Variants in TULP4 observed in about 807,000 individuals in gnomAD.
TULP4 encodes the protein tubby-related protein 4.
TULP4 carries 16 observed loss-of-function variants against 129.0 expected under a neutral mutation model. That is an observed-to-expected ratio of 0.12 (90% CI 0.08 to 0.19). TULP4 has a LOEUF of 0.19. Among genes scored for constraint, TULP4 ranks in the 10% least tolerant of loss-of-function variants. The pLI is 1.00. For missense variants in TULP4, 1,842 were observed against 2,059.1 expected (o/e 0.89, Z 2.04); for synonymous variants, 998 against 854.0 (o/e 1.17, Z -2.94).
chr6:158,253,394 GTCTC>G (rs1479169133), intron 1 of TULP4, among the ~76,000 whole-genome samples: 6 of 147,618 alleles, frequency 4.1e-5, no homozygotes, highest in Admixed American at 4.0e-4. Flanking sequence ...CTGCTCTCCT[GTCTC>G]TGCCCTGCCG....
chr6:158,319,010 T>C (rs1213002009), intron 1 of TULP4, among the ~76,000 whole-genome samples: 5 of 151,886 alleles, frequency 3.3e-5, no homozygotes, highest in African/African-American at 1.2e-4. Context: ...CCTCCCAAAG[T>C]GCTGGGATTA....
chr6:158,328,820 C>T (rs917831020), intron 1 of TULP4, among the ~76,000 whole-genome samples: 1 of 152,216 alleles, frequency 6.6e-6, no homozygotes, highest in African/African-American at 2.4e-5. Flanking sequence ...CCAGCAGAGC[C>T]TGACTTGGGG....
intron 1 of TULP4, among the ~76,000 whole-genome samples, chr6:158,314,590 G>T (rs1279900191): frequency 6.6e-6 from 1 of 152,160 alleles, no homozygotes; most frequent in Non-Finnish European, 1.5e-5. Flanking sequence ...AGGGTGGGGG[G>T]TTAAATTAGA....
At chr6:158,331,743 ACGTG>A (rs375784601) in intron 1 of TULP4, among the ~76,000 whole-genome samples, 10,782 of 38,362 alleles carry the variant, frequency 0.28, 3,533 homozygotes, top group Non-Finnish European at 0.43. Flanking sequence ...GTATATATAT[ACGTG>A]TATATACACG....
At chr6:158,495,843 GAAAA>G (rs111929134) in intron 11 of TULP4, among the ~76,000 whole-genome samples, 1 of 137,404 alleles carries the variant, frequency 7.3e-6, no homozygotes, top group African/African-American at 2.7e-5. Context: ...TACGTCTCAA[GAAAA>G]AAAAAAAAAG....
upstream of TULP4, among the ~76,000 whole-genome samples, chr6:158,279,626 G>A (rs911794833): frequency 6.6e-6 from 1 of 152,102 alleles, no homozygotes; most frequent in Non-Finnish European, 1.5e-5. Flanking sequence ...GATTAATTAT[G>A]TTAAGAAAAA....
intron 5 of TULP4, among the ~76,000 whole-genome samples, chr6:158,453,408 C>G (rs531159453): frequency 7.6e-6 from 1 of 131,828 alleles, no homozygotes; most frequent in Non-Finnish European, 1.6e-5. Flanking sequence ...GGCATGAACC[C>G]GAGAGGCAGA....
At chr6:158,289,098 G>A (rs917503015) in intron 1 of TULP4, among the ~76,000 whole-genome samples, 1 of 152,108 alleles carries the variant, frequency 6.6e-6, no homozygotes, top group Non-Finnish European at 1.5e-5. Flanking sequence ...ATTTTCTTTA[G>A]TGGTTATAGA....
Position 158,401,628 on chromosome 6 carries a change from G to A in TULP4, c.253-11437G>A, listed in dbSNP as rs557353524. On this transcript the variant is annotated intron_variant, in intron 1 of 13. Coordinates refer to ENST00000367097, the MANE Select transcript of TULP4 (RefSeq NM_020245.5). ...CAGAGTCAAGCTGTGGGCCCAGGGT[G>A]TGGTCAAGCCGTTCTAAGCATGTGG... Among the ~76,000 whole-genome samples, 25 of 80,370 alleles carry A rather than the reference G, an allele frequency of 3.1e-4. No homozygotes were observed. The South Asian group carries it at 8.8e-3, about 28-fold the overall frequency. 52.7% of individuals were successfully genotyped at this position (80,370 alleles called of 152,430 possible). A position where few individuals can be genotyped will look rare whatever the true frequency, so the allele number is the denominator to read the frequency against.
intron 2 of TULP4, among the ~76,000 whole-genome samples, chr6:158,424,288 G>A (rs947019378): frequency 5.3e-5 from 8 of 151,922 alleles, no homozygotes; most frequent in African/African-American, 1.5e-4. Context: ...ATGGAGTCTC[G>A]CTCTGTGCTG....
chr6:158,337,218 T>G (rs916732669), intron 1 of TULP4, among the ~76,000 whole-genome samples: 1 of 137,944 alleles, frequency 7.2e-6, no homozygotes, highest in Admixed American at 8.2e-5. Context: ...CTGCAGAGCA[T>G]TAATTTCCTG....
upstream of TULP4, among the ~76,000 whole-genome samples, chr6:158,278,822 A>G (rs1239916756): frequency 6.6e-6 from 1 of 152,194 alleles, no homozygotes; most frequent in East Asian, 1.9e-4. Context: ...CAGTGAAAGG[A>G]AGGAGAGCTG....
intron 8 of TULP4, among the ~76,000 whole-genome samples, chr6:158,486,484 C>A (rs1196487065): frequency 1.3e-5 from 2 of 151,768 alleles, no homozygotes; most frequent in Admixed American, 6.6e-5. Context: ...ACCTGGGAGG[C>A]GGAGCTTGCA....
intron 6 of TULP4, among the ~76,000 whole-genome samples, chr6:158,468,374 C>G (rs1779600185): frequency 6.6e-6 from 1 of 152,202 alleles, no homozygotes; most frequent in Non-Finnish European, 1.5e-5. Context: ...GTTACACAAA[C>G]TTCTCAGTTT....
At chr6:158,289,043 T>C (rs1778882370) in intron 1 of TULP4, among the ~76,000 whole-genome samples, 1 of 152,208 alleles carries the variant, frequency 6.6e-6, no homozygotes, top group African/African-American at 2.4e-5. Flanking sequence ...GTTTGTAAAC[T>C]ATATGGCCTG....
rs535663375 is a variant in TULP4, at chr6:158,275,688, G to A, written n.69-36363G>A. On this transcript the variant is annotated intron_variant and non_coding_transcript_variant, in intron 1 of 1. Transcript: ENST00000620026. ...CCAGACCTGTCAGCATGGAGCCCAAGGAAATAGGTCTTATGAGAATTTCTG... is the reference window on the plus strand; with the variant it reads ...CCAGACCTGTCAGCATGGAGCCCAAAGAAATAGGTCTTATGAGAATTTCTG... Among the ~76,000 whole-genome samples the A allele has an allele frequency of 2.1e-4, 32 of 152,270 alleles. No homozygotes were observed. In the South Asian group the frequency reaches 6.2e-3, roughly 30 times the overall value.
intron 1 of TULP4, among the ~76,000 whole-genome samples, chr6:158,262,629 C>T (rs1298899717): frequency 1.3e-5 from 2 of 152,144 alleles, no homozygotes; most frequent in Admixed American, 1.3e-4. Context: ...TCCCTGCATT[C>T]TGTTATCCTT....
Position 158,431,895 on chromosome 6 carries a change from G to C in TULP4, c.543+1998G>C, listed in dbSNP as rs560798011. Among the ~76,000 whole-genome samples the C allele has an allele frequency of 5.3e-5, 8 of 152,170 alleles. No individual in the cohort carries two copies. The East Asian group carries it at 1.5e-3, about 29-fold the overall frequency. On this transcript the variant is annotated intron_variant, in intron 3 of 13. Transcript: ENST00000367097. ...GCTGATGTGGCAAGCAATTGGGTAC[G>C]TGGCCGCAGCCTCTGTCCTGATGAC...
chr6:158,301,143 G>C (rs1779125083), intron 1 of TULP4, among the ~76,000 whole-genome samples: 1 of 152,154 alleles, frequency 6.6e-6, no homozygotes. Context: ...ATTTTTAGTG[G>C]CATGTACAAC....
Sources: allele counts gnomAD v4.1 joint callset (sites outside exome capture counted in the v4.1 genomes callset), GRCh38; gene constraint gnomAD v4.1.1; transcripts MANE v1.5; gene names NCBI Gene and HGNC (gene_info 2026-07-23, HGNC 2026-07-21).